The following CPVL variants were observed in gnomAD, a reference collection of about 807,000 sequenced individuals.
CPVL encodes the protein carboxypeptidase vitellogenic like, also known as probable serine carboxypeptidase CPVL.
In CPVL, 51 loss-of-function variants were observed where a neutral mutation model predicts 63.7. The observed-to-expected ratio is 0.80, with a 90% CI of 0.64 to 1.01. The LOEUF (loss-of-function observed/expected upper bound fraction) is 1.01, where lower values mean the gene tolerates loss of function less well. CPVL is among the 50% of genes least tolerant of loss of function. CPVL has a pLI of 0.00. For missense variants in CPVL, 530 were observed against 573.1 expected (o/e 0.92, Z 0.77); for synonymous variants, 195 against 206.0 (o/e 0.95, Z 0.46).
chr7:29,117,592 G>T (rs1218654429), intron 2 of CPVL, among the ~76,000 whole-genome samples: 1 of 152,130 alleles, frequency 6.6e-6, no homozygotes. Flanking sequence ...ATAGCATAGT[G>T]GTTCATACCA....
intron 11 of CPVL, among the ~76,000 whole-genome samples, chr7:29,050,406 C>A (rs1224443923): frequency 2.0e-5 from 3 of 148,256 alleles, no homozygotes. Context: ...ACGATAGCTG[C>A]AAAAAAAAAA....
intron 1 of CPVL, among the ~76,000 whole-genome samples, chr7:29,189,888 C>T (rs965638125): frequency 1.3e-5 from 2 of 151,938 alleles, no homozygotes; most frequent in African/African-American, 4.8e-5. Flanking sequence ...CGTCGTGTGC[C>T]GCCACTAGGG....
At chr7:29,128,564 A>G (rs1327818385) in intron 1 of CPVL, among the ~76,000 whole-genome samples, 4 of 151,866 alleles carry the variant, frequency 2.6e-5, no homozygotes, top group Non-Finnish European at 5.9e-5. Context: ...AAAAATACAA[A>G]AATTAGCCAG....
At chr7:29,122,098 T>A (rs563485303) in intron 1 of CPVL, among the ~76,000 whole-genome samples, 1 of 152,362 alleles carries the variant, frequency 6.6e-6, no homozygotes, top group East Asian at 1.9e-4. Flanking sequence ...CTTTCCCATG[T>A]ATTTGTAGAT....
At chr7:29,127,688 T>C (rs1268659343) in intron 1 of CPVL, 1 of 152,232 alleles carries the variant, frequency 6.6e-6, no homozygotes, top group Non-Finnish European at 1.5e-5. Context: ...AAGAATTCTC[T>C]GACCTACTTC....
At chr7:29,097,615 G>A (rs1786572747) in intron 3 of CPVL, among the ~76,000 whole-genome samples, 1 of 152,188 alleles carries the variant, frequency 6.6e-6, no homozygotes, top group Non-Finnish European at 1.5e-5. Context: ...AGAATCCCTT[G>A]AACCAGGGAG....
rs1327106034 is a variant in CPVL, at chr7:29,004,923, G to A, written c.1321-9041C>T. On this transcript the variant is annotated intron_variant, in intron 12 of 12. Coordinates refer to ENST00000265394, the MANE Select transcript of CPVL (RefSeq NM_031311.5). ...TTTCTTTTTTTTTTTTTGAGACAGG[G>A]TCTCACTCTGTGGCCCAGGCTGGAG... 2.0e-5 allele frequency among the ~76,000 whole-genome samples: 3 copies of A among 149,608 alleles called. No homozygotes were observed. The East Asian group carries it at 5.9e-4, about 29-fold the overall frequency.
At chr7:29,122,600 T>C (rs989077511) in intron 1 of CPVL, 6 of 151,992 alleles carry the variant, frequency 3.9e-5, no homozygotes, top group Non-Finnish European at 7.4e-5. Flanking sequence ...AGGAAAAAAA[T>C]CCTTGTCACC....
intron 1 of CPVL, chr7:29,127,595 A>G (rs1790171252): frequency 6.6e-6 from 1 of 152,234 alleles, no homozygotes; most frequent in East Asian, 1.9e-4. Flanking sequence ...TATTTTAAAC[A>G]GCAGGAAATT....
intron 5 of CPVL, 143 bp downstream of exon 5, chr7:29,094,941 C>A: frequency 3.0e-6 from 2 of 670,768 alleles, no homozygotes; most frequent in Non-Finnish European, 5.1e-6. Flanking sequence ...AACTAAATCT[C>A]AAAATGGTTT....
intron 11 of CPVL, among the ~76,000 whole-genome samples, chr7:29,045,875 G>A (rs1186483286): frequency 1.3e-5 from 2 of 151,992 alleles, no homozygotes; most frequent in East Asian, 1.9e-4. Context: ...TCAGGAACTC[G>A]CCATTCCTAA....
intron 3 of CPVL, among the ~76,000 whole-genome samples, chr7:29,109,969 G>A (rs1335148768): frequency 6.6e-6 from 1 of 152,160 alleles, no homozygotes; most frequent in Admixed American, 6.5e-5. Context: ...CAGGTTTACG[G>A]TGCCAAAGCA....
intron 11 of CPVL, among the ~76,000 whole-genome samples, chr7:29,045,154 A>G (rs1789493223): frequency 6.6e-6 from 1 of 152,216 alleles, no homozygotes; most frequent in South Asian, 2.1e-4. Flanking sequence ...TTCATCTAAC[A>G]TAAAGTATGA....
chr7:29,124,831 A>T (rs1789825160), intron 1 of CPVL, among the ~76,000 whole-genome samples: 1 of 152,130 alleles, frequency 6.6e-6, no homozygotes, highest in Non-Finnish European at 1.5e-5. Flanking sequence ...ATACTCAGAA[A>T]AAAGGTAATT....
At position 29,138,032 on chromosome 7, in the gene CPVL, A is replaced by G. The variant is rs73684599; in HGVS notation, c.-11+8397T>C. On this transcript the variant is annotated intron_variant, in intron 1 of 12. Transcript: ENST00000265394. ...GATGGACTTAAGCCAGAAAGACAGC[A>G]GGCAGGAAGGCCAGTTAATATGTTT... Among the ~76,000 whole-genome samples the G allele has an allele frequency of 1.8e-3, 267 of 152,376 alleles. 1 individual carries two copies. The highest frequency in any genetic ancestry group is 5.9e-3 in the African/African-American group (245 of 41,602).
chr7:29,084,633 G>T, intron 7 of CPVL, among the ~76,000 whole-genome samples: 1 of 152,046 alleles, frequency 6.6e-6, no homozygotes, highest in East Asian at 1.9e-4. Flanking sequence ...TGATTGGCTG[G>T]TACACATTTT....
intron 11 of CPVL, among the ~76,000 whole-genome samples, chr7:29,034,602 T>A (rs1367233198): frequency 2.0e-5 from 3 of 152,148 alleles, no homozygotes; most frequent in African/African-American, 7.2e-5. Context: ...CAGTATGTGT[T>A]GTTCCCCCCA....
chr7:29,023,661 TA>T (rs1261537592), intron 12 of CPVL, among the ~76,000 whole-genome samples: 1 of 152,158 alleles, frequency 6.6e-6, no homozygotes, highest in Non-Finnish European at 1.5e-5. Context: ...TCCCAATCCA[TA>T]GCAAAACCTC....
At chr7:29,084,116 G>T (rs1784992411) in intron 7 of CPVL, among the ~76,000 whole-genome samples, 1 of 152,066 alleles carries the variant, frequency 6.6e-6, no homozygotes. Flanking sequence ...GTGCTCAGTT[G>T]AATTCAATTC....
Sources: allele counts gnomAD v4.1 joint callset (sites outside exome capture counted in the v4.1 genomes callset), GRCh38; gene constraint gnomAD v4.1.1; transcripts MANE v1.5; gene names NCBI Gene and HGNC (gene_info 2026-07-23, HGNC 2026-07-21).